The following SMYD4 variants were observed in gnomAD, a reference collection of about 807,000 sequenced individuals.
The protein encoded by SMYD4 is SET and MYND domain containing 4.
SMYD4 carries 68 observed loss-of-function variants against 72.8 expected under a neutral mutation model. The ratio of observed to expected loss-of-function variants is 0.93; its 90% CI spans 0.77 to 1.14. The LOEUF is 1.14. Among genes scored for constraint, SMYD4 ranks in the 50% most tolerant of loss-of-function variants. The probability of loss-of-function intolerance (pLI) is 0.00; values close to 1 mark genes in which losing one functional copy is unlikely to be tolerated. For missense variants in SMYD4, 984 were observed against 1,003.7 expected, an observed-to-expected ratio of 0.98 and a Z score of 0.27; for synonymous variants, 407 against 388.6, an observed-to-expected ratio of 1.05 and a Z score of -0.56.
intron 2 of SMYD4, among the ~76,000 whole-genome samples, chr17:1,818,521 G>A (rs1476924751): frequency 1.3e-5 from 2 of 152,122 alleles, no homozygotes; most frequent in Admixed American, 6.6e-5. Flanking sequence ...TTATTTAAAT[G>A]TAAATGTTAC....
chr17:1,781,525 G>T (rs1908363552), intron 10 of SMYD4, 86 bp from the exon 11 acceptor site: 1 of 1,444,008 alleles, frequency 6.9e-7, no homozygotes, highest in African/African-American at 1.4e-5. Context: ...CGTGAAGAAT[G>T]TAAGATCATT....
chr17:1,806,153 G>A (rs886468528), intron 3 of SMYD4, among the ~76,000 whole-genome samples: 5 of 151,822 alleles, frequency 3.3e-5, no homozygotes, highest in Non-Finnish European at 5.9e-5. Context: ...TCTCGATCTC[G>A]TGACCTCGTG....
In SMYD4 at chr17:1,786,799, G is replaced by A. The variant is rs765875245; in HGVS notation, c.1884+11C>T. 1.9e-5 allele frequency: 30 copies of A among 1,613,902 alleles called. No individual in the cohort carries two copies. The highest frequency in any genetic ancestry group is 7.7e-5 in the South Asian group (7 of 91,072). Reference sequence around the variant, plus strand: ...TCCAGGAAAAGTGGAGGAGACAGAAGAGAGAATTACCTGCATGGGCGCTCC... The same window carrying A: ...TCCAGGAAAAGTGGAGGAGACAGAAAAGAGAATTACCTGCATGGGCGCTCC... On this transcript the variant is annotated intron_variant, in intron 7 of 10. Transcript: ENST00000305513.
At chr17:1,801,374 G>C (rs1287108148) in intron 4 of SMYD4, among the ~76,000 whole-genome samples, 1 of 151,768 alleles carries the variant, frequency 6.6e-6, no homozygotes, top group African/African-American at 2.4e-5. Context: ...GAGTAGCTGG[G>C]ACTACAGGTG....
chr17:1,785,439 G>GAAAAAAAAAAAAAA (rs56261871), intron 7 of SMYD4, among the ~76,000 whole-genome samples: 21 of 124,540 alleles, frequency 1.7e-4, no homozygotes, highest in Non-Finnish European at 3.0e-4. Flanking sequence ...AAAAGAAAAA[G>GAAAAAAAAAAAAAA]AAAAAAAAAA....
Position 1,825,119 on chromosome 17 carries a change from C to G in SMYD4, c.134+2742G>C, listed in dbSNP as rs568580087. 1.4e-4 allele frequency among the ~76,000 whole-genome samples: 21 copies of G among 152,188 alleles called. No individual in the cohort carries two copies. In the South Asian group the frequency reaches 4.4e-3, roughly 32 times the overall value. Reference sequence around the variant, plus strand: ...CCCAGTCTTGGGTATTTCTTGATAGCAACGTGAGAATGGAGTAACATGAGT... The same window carrying G: ...CCCAGTCTTGGGTATTTCTTGATAGGAACGTGAGAATGGAGTAACATGAGT... On this transcript the variant is annotated intron_variant, in intron 2 of 10. Coordinates refer to ENST00000305513, the MANE Select transcript of SMYD4 (RefSeq NM_052928.3).
chr17:1,795,762 T>TTTTTTC (rs1314547310), intron 5 of SMYD4, among the ~76,000 whole-genome samples: 1 of 151,252 alleles, frequency 6.6e-6, no homozygotes, highest in African/African-American at 2.4e-5. Context: ...TTTTTTTTTT[T>TTTTTTC]TTTAAGTATT....
chr17:1,819,833 G>C (rs987924543), intron 2 of SMYD4, among the ~76,000 whole-genome samples: 15 of 152,154 alleles, frequency 9.9e-5, no homozygotes, highest in African/African-American at 2.7e-4. Flanking sequence ...TGTTTCCCAG[G>C]CTGGAGTGCA....
At chr17:1,808,230 TAGG>T (rs1306764195) in intron 3 of SMYD4, among the ~76,000 whole-genome samples, 3 of 152,120 alleles carry the variant, frequency 2.0e-5, no homozygotes, top group Non-Finnish European at 4.4e-5. Context: ...TTGCCAACAT[TAGG>T]AGATGTGAAA....
At chr17:1,781,515 C>A (rs971388821) in intron 10 of SMYD4, 76 bp from the exon 11 acceptor site, 1 of 1,491,774 alleles carries the variant, frequency 6.7e-7, no homozygotes, top group Non-Finnish European at 9.1e-7. Context: ...ACTCACACAC[C>A]GTGAAGAATG....
chr17:1,817,058 T>A (rs1243282281), intron 2 of SMYD4, among the ~76,000 whole-genome samples: 2 of 151,892 alleles, frequency 1.3e-5, no homozygotes, highest in African/African-American at 4.8e-5. Flanking sequence ...CTTTTTTTTT[T>A]TTTTTTAAGA....
chr17:1,819,387 A>T lies in SMYD4; in HGVS notation c.135-7272T>A, dbSNP rs541922525. ...AAACAAACAAACAAAATGACTACAT[A>T]GTTAAATCTATATACTTCTTGTTGC... On this transcript the variant is annotated intron_variant, in intron 2 of 10. Coordinates refer to ENST00000305513, the MANE Select transcript of SMYD4 (RefSeq NM_052928.3). Among the ~76,000 whole-genome samples, 29 of 152,292 alleles carry T rather than the reference A, an allele frequency of 1.9e-4. 1 individual carries two copies. In the South Asian group the frequency reaches 2.7e-3, roughly 14 times the overall value.
chr17:1,779,729 C>T lies in SMYD4; in HGVS notation c.*1557G>A, dbSNP rs1908273272. Reference sequence around the variant, plus strand: ...ACTTCTCTGGTCACGGTTCATACTCCACGATTTTAACAAAGGAGTCGAGGA... The same window carrying T: ...ACTTCTCTGGTCACGGTTCATACTCTACGATTTTAACAAAGGAGTCGAGGA... On this transcript the variant is annotated 3_prime_UTR_variant, in exon 11 of 11. Transcript: ENST00000305513. 1 of 152,362 alleles carries T rather than the reference C, an allele frequency of 6.6e-6. No homozygotes were observed. Among genetic ancestry groups the T allele is most frequent in the African/African-American group, 2.4e-5 (1 of 41,444 alleles). The allele number at this position is 152,362 out of a possible 1,614,324, so 9.4% of individuals were successfully genotyped here.
chr17:1,818,015 C>T, intron 2 of SMYD4, among the ~76,000 whole-genome samples: 1 of 145,928 alleles, frequency 6.9e-6, no homozygotes, highest in Non-Finnish European at 1.5e-5. Context: ...CCACTGCACT[C>T]CAGCCTGGGC....
chr17:1,784,597 A>C lies in SMYD4; in HGVS notation c.1885-136T>G, dbSNP rs1908552710. ...CTCCTGTAACAATACATCGTGACGA[A>C]AGTCTGAGCGAATTTTGTTTGATGG... On this transcript the variant is annotated intron_variant, in intron 7 of 10. Transcript: ENST00000305513. 2.0e-5 allele frequency: 30 copies of C among 1,469,288 alleles called. No homozygotes were observed. In the South Asian group the frequency reaches 3.6e-4, roughly 18 times the overall value. The allele number at this position is 1,469,288 out of a possible 1,614,324, so 91.0% of individuals were successfully genotyped here.
chr17:1,817,927 G>A (rs971351027), intron 2 of SMYD4, among the ~76,000 whole-genome samples: 12 of 151,632 alleles, frequency 7.9e-5, no homozygotes, highest in Non-Finnish European at 1.2e-4. Flanking sequence ...GGTGCCTGTA[G>A]TCCCAGCTAC....
chr17:1,827,701 C>G (rs557569124), intron 2 of SMYD4, among the ~76,000 whole-genome samples, 160 bp downstream of exon 2: 120 of 152,158 alleles, frequency 7.9e-4, no homozygotes, highest in African/African-American at 2.8e-3. Context: ...CTTGGGAGGC[C>G]AAGGTGGGAG....
intron 3 of SMYD4, among the ~76,000 whole-genome samples, chr17:1,806,089 CA>C (rs1418960868): frequency 3.3e-5 from 5 of 150,894 alleles, no homozygotes; most frequent in African/African-American, 1.2e-4. Context: ...CACGCCTGGC[CA>C]ATTTTTTGTA....
intron 3 of SMYD4, among the ~76,000 whole-genome samples, chr17:1,811,367 G>C (rs1377287090): frequency 2.0e-5 from 3 of 152,138 alleles, no homozygotes; most frequent in African/African-American, 7.2e-5. Flanking sequence ...TGTGTGTGTG[G>C]AGAAGGGGTC....
Sources: gnomAD v4.1 joint callset for allele counts (sites outside exome capture counted in the v4.1 genomes callset) on GRCh38, gnomAD v4.1.1 for gene constraint, MANE v1.5 for transcripts, NCBI Gene and HGNC (gene_info 2026-07-23, HGNC 2026-07-21) for gene names.